The following PCDH9 variants were observed in gnomAD, a reference collection of about 807,000 sequenced individuals.
PCDH9 encodes protocadherin 9.
Under a neutral mutation model 70.6 loss-of-function variants are expected in PCDH9, and 24 were observed. That is an observed-to-expected ratio of 0.34 (90% confidence interval 0.25 to 0.48). PCDH9 has a LOEUF of 0.48. Among genes scored for constraint, PCDH9 ranks in the 20% least tolerant of loss-of-function variants. The probability of loss-of-function intolerance (pLI) is 0.99; values close to 1 mark genes in which losing one functional copy is unlikely to be tolerated. For missense variants in PCDH9, 1,281 were observed against 1,503.6 expected, an observed-to-expected ratio of 0.85 and a Z score of 2.45; for synonymous variants, 562 against 558.5, an observed-to-expected ratio of 1.01 and a Z score of -0.09.
At chr13:66,755,434 G>C (rs556204495) in intron 3 of PCDH9, among the ~76,000 whole-genome samples, 1 of 152,094 alleles carries the variant, frequency 6.6e-6, no homozygotes, top group African/African-American at 2.4e-5. Context: ...TAAAGCAGTG[G>C]CGCTGCAAAT....
intron 3 of PCDH9, among the ~76,000 whole-genome samples, chr13:66,718,580 G>A (rs1009287292): frequency 2.0e-5 from 3 of 152,106 alleles, no homozygotes; most frequent in Non-Finnish European, 2.9e-5. Context: ...ACAGCTAAGT[G>A]CTAAAAGGCA....
intron 4 of PCDH9, among the ~76,000 whole-genome samples, chr13:66,314,419 A>G (rs1175147463): frequency 6.6e-6 from 1 of 152,142 alleles, no homozygotes; most frequent in Non-Finnish European, 1.5e-5. Context: ...CTTCCTGTTC[A>G]GTTTCCTTTG....
chr13:67,145,211 G>A (rs904998087), intron 2 of PCDH9, among the ~76,000 whole-genome samples: 3 of 152,044 alleles, frequency 2.0e-5, no homozygotes, highest in Non-Finnish European at 4.4e-5. Flanking sequence ...ATAAGAGTCC[G>A]AAGCTGTCTT....
chr13:66,602,823 A>G (rs1390084829), intron 4 of PCDH9, among the ~76,000 whole-genome samples: 1 of 145,822 alleles, frequency 6.9e-6, no homozygotes, highest in Non-Finnish European at 1.5e-5. Flanking sequence ...TGAATGACCT[A>G]TATAAGTATA....
At chr13:66,306,479 C>T (rs1955467919) in intron 4 of PCDH9, among the ~76,000 whole-genome samples, 1 of 151,358 alleles carries the variant, frequency 6.6e-6, no homozygotes, top group Non-Finnish European at 1.5e-5. Flanking sequence ...TCTCAGACCT[C>T]ACCACTATAC....
intron 2 of PCDH9, among the ~76,000 whole-genome samples, chr13:66,952,091 T>C (rs2083191551): frequency 6.6e-6 from 1 of 152,202 alleles, no homozygotes; most frequent in Non-Finnish European, 1.5e-5. Flanking sequence ...GTATCTTCAA[T>C]ATGACATTCC....
chr13:66,397,385 C>T (rs1421451021), intron 4 of PCDH9, among the ~76,000 whole-genome samples: 1 of 151,874 alleles, frequency 6.6e-6, no homozygotes, highest in Admixed American at 6.6e-5. Context: ...TACCACTGCA[C>T]CCCAGCCTGG....
chr13:66,824,692 A>G (rs942365946), intron 3 of PCDH9, among the ~76,000 whole-genome samples: 185 of 131,024 alleles, frequency 1.4e-3, no homozygotes, highest in African/African-American at 5.3e-3. Flanking sequence ...ATATATATAT[A>G]TATATGCACA....
At chr13:66,440,971 T>C (rs955487675) in intron 4 of PCDH9, among the ~76,000 whole-genome samples, 2 of 152,188 alleles carry the variant, frequency 1.3e-5, no homozygotes, top group Non-Finnish European at 2.9e-5. Flanking sequence ...ACCACAAGCA[T>C]AATTAACTTT....
At chr13:66,724,181 T>C (rs1239126297) in intron 3 of PCDH9, among the ~76,000 whole-genome samples, 2 of 152,214 alleles carry the variant, frequency 1.3e-5, no homozygotes, top group African/African-American at 2.4e-5. Flanking sequence ...CATAACAATC[T>C]AATACTGAAT....
chr13:66,997,053 G>A (rs2084131576), intron 2 of PCDH9, among the ~76,000 whole-genome samples: 1 of 152,054 alleles, frequency 6.6e-6, no homozygotes, highest in African/African-American at 2.4e-5. Flanking sequence ...ACAGACTTAA[G>A]GTAATATTAT....
At chr13:67,020,204 TAAAC>T (rs2084648563) in intron 2 of PCDH9, among the ~76,000 whole-genome samples, 1 of 152,060 alleles carries the variant, frequency 6.6e-6, no homozygotes, top group South Asian at 2.1e-4. Context: ...AAAAGCAAAA[TAAAC>T]AACACAACAA....
chr13:66,560,194 A>G (rs1961949200), intron 4 of PCDH9, among the ~76,000 whole-genome samples: 1 of 152,050 alleles, frequency 6.6e-6, no homozygotes, highest in South Asian at 2.1e-4. Context: ...ATCGCCTGGT[A>G]TGGGAATATC....
At chr13:67,027,973 A>G (rs1356707747) in intron 2 of PCDH9, among the ~76,000 whole-genome samples, 1 of 149,952 alleles carries the variant, frequency 6.7e-6, no homozygotes, top group Admixed American at 6.6e-5. Context: ...TGTTGGTGGG[A>G]CTGTAAACTA....
chr13:66,779,538 T>C (rs1488801579), intron 3 of PCDH9, among the ~76,000 whole-genome samples: 3 of 152,172 alleles, frequency 2.0e-5, no homozygotes, highest in East Asian at 3.9e-4. Context: ...ATATGTCCAA[T>C]ATGGCTGGGC....
chr13:66,612,183 T>G (rs2077300980), intron 4 of PCDH9, among the ~76,000 whole-genome samples: 1 of 152,172 alleles, frequency 6.6e-6, no homozygotes, highest in Admixed American at 6.5e-5. Flanking sequence ...AGGAAATATG[T>G]GAAAGTCAAT....
At chr13:66,513,418 T>C (rs1458186633) in intron 4 of PCDH9, among the ~76,000 whole-genome samples, 1 of 152,042 alleles carries the variant, frequency 6.6e-6, no homozygotes, top group Non-Finnish European at 1.5e-5. Context: ...AAACTACCTG[T>C]CCCTAAGAAT....
intron 4 of PCDH9, among the ~76,000 whole-genome samples, chr13:66,417,155 T>C (rs1211926242): frequency 6.6e-6 from 1 of 152,150 alleles, no homozygotes; most frequent in Non-Finnish European, 1.5e-5. Flanking sequence ...TAGGTATTTC[T>C]CCTAATGCTA....
chr13:66,405,487 A>G (rs1427452595), intron 4 of PCDH9, among the ~76,000 whole-genome samples: 1 of 152,216 alleles, frequency 6.6e-6, no homozygotes, highest in Non-Finnish European at 1.5e-5. Flanking sequence ...CAAGGAGAAC[A>G]TAAAGTGTTT....
Sources: gnomAD v4.1 joint callset for allele counts (sites outside exome capture counted in the v4.1 genomes callset) on GRCh38, gnomAD v4.1.1 for gene constraint, MANE v1.5 for transcripts, NCBI Gene and HGNC (gene_info 2026-07-23, HGNC 2026-07-21) for gene names.